GALNTL6: variants seen among roughly 807,000 people sequenced by gnomAD.
The protein encoded by GALNTL6 is polypeptide N-acetylgalactosaminyltransferase-like 6.
GALNTL6 carries 46 observed loss-of-function variants against 73.7 expected under a neutral mutation model. The observed-to-expected ratio is 0.62, with a 90% CI of 0.49 to 0.80. The LOEUF is 0.80. Among genes scored for constraint, GALNTL6 ranks in the 30% least tolerant of loss-of-function variants. The pLI is 0.00. For missense variants in GALNTL6, 604 were observed against 755.0 expected (o/e 0.80, Z 2.34); for synonymous variants, 259 against 263.7 (o/e 0.98, Z 0.17).
intron 2 of GALNTL6, among the ~76,000 whole-genome samples, chr4:171,864,436 G>T (rs2110884148): frequency 6.6e-6 from 1 of 152,302 alleles, no homozygotes; most frequent in Non-Finnish European, 1.5e-5. Context: ...AGATATGCTA[G>T]CATAGTCAGA....
chr4:172,819,935 G>A (rs761427120), intron 7 of GALNTL6, among the ~76,000 whole-genome samples: 6 of 152,148 alleles, frequency 3.9e-5, no homozygotes, highest in South Asian at 2.1e-4. Context: ...CCTAAAACAC[G>A]ACAATGCAGC....
chr4:172,127,043 G>A (rs768300068), intron 2 of GALNTL6, among the ~76,000 whole-genome samples: 2 of 152,188 alleles, frequency 1.3e-5, no homozygotes, highest in Non-Finnish European at 2.9e-5. Flanking sequence ...GCTGAAATGT[G>A]ACTGAAGTAA....
chr4:172,963,467 C>T (rs1484122540), intron 10 of GALNTL6, among the ~76,000 whole-genome samples: 3 of 152,134 alleles, frequency 2.0e-5, no homozygotes, highest in African/African-American at 4.8e-5. Flanking sequence ...AAAGTAAACT[C>T]GGTGACACAA....
At chr4:172,499,666 C>T (rs1010372358) in intron 5 of GALNTL6, among the ~76,000 whole-genome samples, 2 of 152,106 alleles carry the variant, frequency 1.3e-5, no homozygotes, top group African/African-American at 2.4e-5. Flanking sequence ...GAAAAAGATT[C>T]AAAGCATTGT....
rs1739442268 is a variant in GALNTL6 at position 171,968,065 on chromosome 4, T to G, written c.138+153347T>G. Among the ~76,000 whole-genome samples the G allele has an allele frequency of 2.6e-5, 4 of 152,138 alleles. No homozygotes were observed. In the South Asian group the frequency reaches 8.3e-4, roughly 32 times the overall value. On this transcript the variant is annotated intron_variant, in intron 2 of 12. Coordinates refer to ENST00000506823, the MANE Select transcript of GALNTL6 (RefSeq NM_001034845.3). ...TTCTGATTCTACTCCTTATTACTAGTTATCTTAAAGGTTACTATAGCAGTC... is the reference window on the plus strand; with the variant it reads ...TTCTGATTCTACTCCTTATTACTAGGTATCTTAAAGGTTACTATAGCAGTC...
chr4:172,703,080 A>G (rs1284877385), intron 5 of GALNTL6, among the ~76,000 whole-genome samples: 1 of 151,966 alleles, frequency 6.6e-6, no homozygotes, highest in Non-Finnish European at 1.5e-5. Context: ...TAACTAGAAT[A>G]CCCAAGTCAA....
chr4:173,009,038 A>G, intron 10 of GALNTL6, 140 bp from the exon 11 acceptor site: 1 of 648,550 alleles, frequency 1.5e-6, no homozygotes, highest in East Asian at 2.6e-5. Flanking sequence ...CATAAATTGC[A>G]TACAAATTCA....
At chr4:172,079,716 T>C (rs1271088249) in intron 2 of GALNTL6, among the ~76,000 whole-genome samples, 1 of 152,126 alleles carries the variant, frequency 6.6e-6, no homozygotes, top group African/African-American at 2.4e-5. Flanking sequence ...CTTCTGTGTA[T>C]TTGGAATTGA....
intron 4 of GALNTL6, among the ~76,000 whole-genome samples, chr4:172,313,263 C>T (rs974719932): frequency 4.6e-5 from 7 of 151,728 alleles, no homozygotes; most frequent in Non-Finnish European, 7.4e-5. Flanking sequence ...GTAGCTGGGA[C>T]TACAGGCGCC....
In GALNTL6 at chr4:172,372,710, C is replaced by A. The variant is rs192183062; in HGVS notation, c.553+24021C>A. On this transcript the variant is annotated intron_variant, in intron 5 of 12. Coordinates refer to ENST00000506823, the MANE Select transcript of GALNTL6 (RefSeq NM_001034845.3). ...AGGGCCTGCTTTAAGGTTTTGAAGG[C>A]TGTTTCTGCCTCTGGTTCCCATTCT... Among the ~76,000 whole-genome samples the A allele has an allele frequency of 7.2e-4, 110 of 152,284 alleles. No individual in the cohort carries two copies. The East Asian group carries it at 0.018, about 24-fold the overall frequency.
intron 5 of GALNTL6, among the ~76,000 whole-genome samples, chr4:172,593,973 C>T (rs186099784): frequency 1.8e-4 from 28 of 152,264 alleles, no homozygotes; most frequent in African/African-American, 6.7e-4. Flanking sequence ...CAAGTATCCC[C>T]TCCATTATGC....
chr4:172,491,171 A>T (rs1462600735), intron 5 of GALNTL6, among the ~76,000 whole-genome samples: 1 of 152,164 alleles, frequency 6.6e-6, no homozygotes, highest in Admixed American at 6.6e-5. Context: ...TAGTGTTCCC[A>T]CACCAGTAAT....
intron 12 of GALNTL6, among the ~76,000 whole-genome samples, chr4:173,028,734 T>C (rs1320380552): frequency 6.6e-6 from 1 of 152,228 alleles, no homozygotes; most frequent in Non-Finnish European, 1.5e-5. Context: ...TTAACACATT[T>C]ATTTGTCTCA....
intron 5 of GALNTL6, among the ~76,000 whole-genome samples, chr4:172,365,349 T>G (rs1225565299): frequency 6.6e-6 from 1 of 152,018 alleles, no homozygotes; most frequent in Non-Finnish European, 1.5e-5. Flanking sequence ...ATTGGAGTGT[T>G]TCTGGTCGGA....
intron 5 of GALNTL6, among the ~76,000 whole-genome samples, chr4:172,637,715 T>G (rs1739762283): frequency 6.6e-6 from 1 of 152,118 alleles, no homozygotes; most frequent in South Asian, 2.1e-4. Flanking sequence ...TAATGATAAA[T>G]CAAAAAGCAA....
At chr4:172,156,540 A>ACTATATATGT (rs58197299) in intron 2 of GALNTL6, among the ~76,000 whole-genome samples, 3 of 125,186 alleles carry the variant, frequency 2.4e-5, no homozygotes, top group East Asian at 2.2e-4. Flanking sequence ...ATATATATAT[A>ACTATATATGT]ATATATATAT....
chr4:172,951,352 C>T (rs184321634), intron 9 of GALNTL6, among the ~76,000 whole-genome samples: 360 of 152,332 alleles, frequency 2.4e-3, no homozygotes, highest in Non-Finnish European at 3.3e-3. Context: ...TACACTGAAT[C>T]CATACACTCT....
At chr4:171,934,263 G>A (rs1355496881) in intron 2 of GALNTL6, among the ~76,000 whole-genome samples, 1 of 152,138 alleles carries the variant, frequency 6.6e-6, no homozygotes, top group African/African-American at 2.4e-5. Flanking sequence ...ATATTTAGGG[G>A]ACATTTCAAG....
chr4:171,961,570 A>T (rs1278921719), intron 2 of GALNTL6, among the ~76,000 whole-genome samples: 9 of 152,234 alleles, frequency 5.9e-5, no homozygotes, highest in African/African-American at 1.9e-4. Context: ...AATAAAGCAA[A>T]TCAGTCTTAT....
Sources: allele counts gnomAD v4.1 joint callset (sites outside exome capture counted in the v4.1 genomes callset), GRCh38; gene constraint gnomAD v4.1.1; transcripts MANE v1.5; gene names NCBI Gene and HGNC (gene_info 2026-07-23, HGNC 2026-07-21).